The following MYO18A variants were observed in gnomAD, a reference collection of about 807,000 sequenced individuals.
The protein encoded by MYO18A is myosin XVIIIA, also known as unconventional myosin-XVIIIa.
MYO18A carries 78 observed loss-of-function variants against 235.8 expected under a neutral mutation model. The observed-to-expected ratio is 0.33, with a 90% CI of 0.28 to 0.40. MYO18A has a LOEUF of 0.40. MYO18A is among the 10% of genes least tolerant of loss of function. The probability of loss-of-function intolerance (pLI) is 1.00; values close to 1 mark genes in which losing one functional copy is unlikely to be tolerated. For synonymous variants in MYO18A, 977 were observed against 1,077.8 expected (o/e 0.91, Z 1.83); for missense variants, 2,215 against 2,699.3 (o/e 0.82, Z 3.98).
intron 1 of MYO18A, among the ~76,000 whole-genome samples, chr17:29,172,012 G>A (rs139004021): frequency 4.7e-4 from 71 of 152,126 alleles, no homozygotes; most frequent in African/African-American, 1.3e-3. Context: ...GAGGGTATTC[G>A]TTGCAAAATT....
intron 2 of MYO18A, among the ~76,000 whole-genome samples, chr17:29,148,111 G>A (rs1487145892): frequency 6.6e-6 from 1 of 151,756 alleles, no homozygotes; most frequent in Non-Finnish European, 1.5e-5. Flanking sequence ...TTTAAAGCTT[G>A]GGAAGATATA....
intron 2 of MYO18A, among the ~76,000 whole-genome samples, chr17:29,145,535 C>G (rs978065781): frequency 6.6e-6 from 1 of 152,122 alleles, no homozygotes; most frequent in African/African-American, 2.4e-5. Flanking sequence ...GGGGAAGCAC[C>G]GTGCCTGCTT....
At position 29,086,288 on chromosome 17, in the gene MYO18A, G is replaced by A. The variant is rs528758630; in HGVS notation, c.5852+150C>T. 4.0e-5 allele frequency: 35 copies of A among 878,088 alleles called. No homozygotes were observed. The African/African-American group carries it at 5.3e-4, about 13-fold the overall frequency. The allele number at this position is 878,088 out of a possible 1,614,324, so 54.4% of individuals were successfully genotyped here. On this transcript the variant is annotated intron_variant, in intron 39 of 41. Transcript: ENST00000527372. Reference sequence around the variant, plus strand: ...ACCGTCTGCCCCTGCAGGACAGGCTGTGCTGGGATCTGGCAGTAAAGGGAG... The same window carrying A: ...ACCGTCTGCCCCTGCAGGACAGGCTATGCTGGGATCTGGCAGTAAAGGGAG...
At chr17:29,156,934 G>A (rs2068076709) in intron 2 of MYO18A, among the ~76,000 whole-genome samples, 1 of 152,192 alleles carries the variant, frequency 6.6e-6, no homozygotes, top group Non-Finnish European at 1.5e-5. Flanking sequence ...CCACTGCTAG[G>A]CCCTCTGCCA....
chr17:29,160,733 T>C (rs1469116130), intron 2 of MYO18A, among the ~76,000 whole-genome samples: 2 of 152,168 alleles, frequency 1.3e-5, no homozygotes, highest in East Asian at 1.9e-4. Context: ...TATGTGAACA[T>C]GGCAACCTCA....
At chr17:29,161,124 G>A (rs1312258944) in intron 2 of MYO18A, among the ~76,000 whole-genome samples, 1 of 152,204 alleles carries the variant, frequency 6.6e-6, no homozygotes, top group Non-Finnish European at 1.5e-5. Flanking sequence ...GGAGGCCGAG[G>A]CAGGTGGATC....
rs1017336249 is a variant in MYO18A, at chr17:29,120,805, T to C, written c.1586-47A>G. Reference sequence around the variant, plus strand: ...GGATATCAGGAAAGCCAGGGGCAGCTTATCCCCCAGCTAGGAGCTACCCCA... The same window carrying C: ...GGATATCAGGAAAGCCAGGGGCAGCCTATCCCCCAGCTAGGAGCTACCCCA... On this transcript the variant is annotated intron_variant, in intron 6 of 41. Transcript: ENST00000527372. The surrounding 1 kb of genome is among the most constrained non-coding windows in gnomAD (Gnocchi z 4.2). 6.3e-7 allele frequency: 1 copy of C among 1,593,378 alleles called. No individual in the cohort carries two copies. The highest frequency in any genetic ancestry group is 1.3e-5 in the African/African-American group (1 of 74,582).
At chr17:29,148,786 A>G (rs1166443798) in intron 2 of MYO18A, among the ~76,000 whole-genome samples, 1 of 152,096 alleles carries the variant, frequency 6.6e-6, no homozygotes, top group Non-Finnish European at 1.5e-5. Context: ...CAGAGAGGAG[A>G]AGGAGGGCTG....
chr17:29,087,151 A>AGCAG (rs1568043130), intron 37 of MYO18A, 30 bp from the exon 38 acceptor site: 2 of 1,597,048 alleles, frequency 1.3e-6, no homozygotes, highest in Non-Finnish European at 8.5e-7. Context: ...AGAAAGACAC[A>AGCAG]GCAGGCAGGC....
chr17:29,110,251 C>T (rs1380870936), intron 18 of MYO18A, 150 bp from the exon 19 acceptor site: 18 of 1,321,622 alleles, frequency 1.4e-5, no homozygotes, highest in South Asian at 5.9e-5. Context: ...CTGCCCTCGC[C>T]GGGCCTCGGT....
rs1443264242 is a variant in MYO18A at position 29,110,569 on chromosome 17, G to C, written c.2954C>G (p.Ser985Cys). ...LGRAGSATVL[S>C]GSIAGLEGGS... ...GCCCTCCAGGCCCGCGATGGAGCCA[G>C]AGAGCACCGTGGCACTGCCTGCGCG... The change falls in exon 18 of 42, where the codon TCT becomes TGT. Residue 985 changes from serine (S) to cysteine (C), a missense_variant. Physicochemically the swap from Ser to Cys is moderately radical, Grantham distance 112. Transcript: ENST00000527372. 26 of 1,612,860 alleles carry C rather than the reference G, an allele frequency of 1.6e-5. No homozygotes were observed. The highest frequency in any genetic ancestry group is 2.1e-5 in the Non-Finnish European group (25 of 1,179,570).
rs1309267133 is a variant in MYO18A at position 29,118,339 on chromosome 17, G to A, written c.1893+38C>T. 6.3e-7 allele frequency: 1 copy of A among 1,587,550 alleles called. No homozygotes were observed. Among genetic ancestry groups the A allele is most frequent in the East Asian group, 2.3e-5 (1 of 44,094 alleles). On this transcript the variant is annotated intron_variant, in intron 9 of 41. Coordinates refer to ENST00000527372, the MANE Select transcript of MYO18A (RefSeq NM_078471.4). The surrounding 1 kb of genome is among the most constrained non-coding windows in gnomAD (Gnocchi z 4.2). ...CATGGAGGCTTCTCCTACCCCCAAG[G>A]CCCAGGGCTGGCAACCCAGACCCCA...
In MYO18A at chr17:29,111,760, A is replaced by T; in HGVS notation, c.2702T>A (p.Leu901His). ...TTCCTGGGGGCCATAATAGGAGAAAAGGCGCTCCAGGAGGGTGTCCTCACT... is the reference window on the plus strand; with the variant it reads ...TTCCTGGGGGCCATAATAGGAGAAATGGCGCTCCAGGAGGGTGTCCTCACT... The part of the protein sequence containing the change: ...GASEDTLLER[L>H]FSYYGPQEGD... The change falls in exon 16 of 42, where the codon CTT (leucine) becomes CAT (histidine). Residue 901 changes from leucine (L) to histidine (H), a missense_variant. Physicochemically the swap from Leu to His is moderately conservative, Grantham distance 99. Coordinates refer to ENST00000527372, the MANE Select transcript of MYO18A (RefSeq NM_078471.4). The surrounding 1 kb of genome is among the most constrained non-coding windows in gnomAD (Gnocchi z 5.1). The T allele has an allele frequency of 6.2e-7, 1 of 1,613,740 alleles. No individual in the cohort carries two copies. Among genetic ancestry groups the T allele is most frequent in the Non-Finnish European group, 8.5e-7 (1 of 1,179,792 alleles).
At position 29,074,642 on chromosome 17, in the gene MYO18A, A is replaced by G. The variant is rs1045923491; in HGVS notation, c.*128T>C. Reference sequence around the variant, plus strand: ...GCCTGGAAAGTGCCCCTGACAGAAGAAGGTCAGGGTGTTTCCCATGCAGAT... The same window carrying G: ...GCCTGGAAAGTGCCCCTGACAGAAGGAGGTCAGGGTGTTTCCCATGCAGAT... On this transcript the variant is annotated 3_prime_UTR_variant, in exon 42 of 42. Coordinates refer to ENST00000527372, the MANE Select transcript of MYO18A (RefSeq NM_078471.4). The surrounding 1 kb of genome is among the most constrained non-coding windows in gnomAD (Gnocchi z 4.4). 36 of 995,848 alleles carry G rather than the reference A, an allele frequency of 3.6e-5. No individual in the cohort carries two copies. The highest frequency in any genetic ancestry group is 4.5e-5 in the South Asian group (3 of 66,130). 61.7% of individuals were successfully genotyped at this position (995,848 alleles called of 1,614,324 possible).
chr17:29,092,936 C>G lies in MYO18A; in HGVS notation c.4992G>C (p.Leu1664=). ...LRKDLKRTKA[L]LADAQLMLDH... ...CCAGCATGAGCTGGGCATCTGCCAG[C>G]AGGGCCTTGGTGCGCTTCAGGTCCT... Residue 1664 remains leucine (L), a synonymous_variant, in exon 33 of 42, where the codon CTG becomes CTC. Transcript: ENST00000527372. The G allele has an allele frequency of 6.2e-7, 1 of 1,613,944 alleles. No individual in the cohort carries two copies. Among genetic ancestry groups the G allele is most frequent in the East Asian group, 2.2e-5 (1 of 44,874 alleles).
At chr17:29,124,666 T>A in intron 2 of MYO18A, 1 of 1,284,936 alleles carries the variant, frequency 7.8e-7, no homozygotes, top group South Asian at 1.2e-5. Context: ...GCTGTGGGCA[T>A]GAGAGGCGGC....
intron 7 of MYO18A, among the ~76,000 whole-genome samples, chr17:29,119,695 C>G (rs976372797): frequency 6.6e-6 from 1 of 151,658 alleles, no homozygotes; most frequent in African/African-American, 2.4e-5. Flanking sequence ...TCCTGAGTAG[C>G]TGGGATTACA....
intron 37 of MYO18A, among the ~76,000 whole-genome samples, chr17:29,088,405 G>A (rs1224404462): frequency 3.3e-5 from 5 of 152,096 alleles, no homozygotes; most frequent in Non-Finnish European, 2.9e-5. Context: ...CCTGAGAACT[G>A]TGACCCCGCC....
At position 29,111,703 on chromosome 17, in the gene MYO18A, C is replaced by G; in HGVS notation, c.2740+19G>C. 6.2e-7 allele frequency: 1 copy of G among 1,613,242 alleles called. No individual in the cohort carries two copies. The highest frequency in any genetic ancestry group is 1.3e-5 in the African/African-American group (1 of 75,028). ...TGTAAGAGGAAGCAGAGGAGCTACC[C>G]TCTAGGGATGCCACCTACCTTTTTT... On this transcript the variant is annotated intron_variant, in intron 16 of 41. Coordinates refer to ENST00000527372, the MANE Select transcript of MYO18A (RefSeq NM_078471.4). This position sits in a 1 kb window ranked among gnomAD's most constrained non-coding sequence, Gnocchi z 5.1.
Sources: allele counts gnomAD v4.1 joint callset (sites outside exome capture counted in the v4.1 genomes callset), GRCh38; gene constraint gnomAD v4.1.1; non-coding constraint Gnocchi (gnomAD v3.1); transcripts MANE v1.5; gene names NCBI Gene and HGNC (gene_info 2026-07-23, HGNC 2026-07-21).